Variants in SLC7A14 observed in about 807,000 individuals in gnomAD.
SLC7A14 encodes gamma-aminobutyric acid transporter SLC7A14.
SLC7A14 carries 37 observed loss-of-function variants against 60.2 expected under a neutral mutation model. That is an observed-to-expected ratio of 0.61 (90% CI 0.47 to 0.81). The LOEUF (loss-of-function observed/expected upper bound fraction) is 0.81, where lower values mean the gene tolerates loss of function less well. SLC7A14 is among the 30% of genes least tolerant of loss of function. The pLI is 0.00. For missense variants in SLC7A14, 886 were observed against 982.7 expected, an observed-to-expected ratio of 0.90 and a Z score of 1.32; for synonymous variants, 399 against 395.8, an observed-to-expected ratio of 1.01 and a Z score of -0.10.
intron 2 of SLC7A14, among the ~76,000 whole-genome samples, chr3:170,510,184 GT>G (rs920705434): frequency 2.6e-5 from 4 of 151,782 alleles, no homozygotes; most frequent in African/African-American, 7.3e-5. Flanking sequence ...GAGGTCAGGA[GT>G]TCGAGATCAG....
chr3:170,509,354 G>T (rs1415999352), intron 2 of SLC7A14, among the ~76,000 whole-genome samples: 2 of 152,106 alleles, frequency 1.3e-5, no homozygotes, highest in Non-Finnish European at 2.9e-5. Flanking sequence ...GAACCTGACA[G>T]GGCTCCAATT....
chr3:170,475,641 T>C (rs962929634), intron 7 of SLC7A14, among the ~76,000 whole-genome samples: 3 of 152,326 alleles, frequency 2.0e-5, no homozygotes, highest in East Asian at 1.9e-4. Context: ...TTGAGTCAGC[T>C]GGAGGGCTTG....
chr3:170,511,652 G>A (rs1170702633), intron 2 of SLC7A14, among the ~76,000 whole-genome samples: 1 of 152,218 alleles, frequency 6.6e-6, no homozygotes, highest in Non-Finnish European at 1.5e-5. Context: ...GCAGTAGCCT[G>A]TGGAGTATTT....
At chr3:170,538,832 C>A (rs1713927381) in intron 1 of SLC7A14, among the ~76,000 whole-genome samples, 1 of 152,222 alleles carries the variant, frequency 6.6e-6, no homozygotes. Context: ...TAAAGATTCC[C>A]ACTTCTTAGC....
At chr3:170,486,568 G>A (rs1712038661) in intron 4 of SLC7A14, among the ~76,000 whole-genome samples, 200 bp from the exon 5 acceptor site, 1 of 152,146 alleles carries the variant, frequency 6.6e-6, no homozygotes, top group Admixed American at 6.5e-5. Context: ...CTCTTATGAT[G>A]TGTAAATAGA....
rs1359835766 is a variant in SLC7A14, at chr3:170,567,156, C to G, written c.-153+18755G>C. ...TATATCTCCTAAAGCTATCCCTCCC[C>G]CCTCCCCCCACCCCACAACAGTCCC... is the stretch of plus-strand genomic sequence containing the variant. On this transcript the variant is annotated intron_variant, in intron 1 of 7. Coordinates refer to ENST00000231706, the MANE Select transcript of SLC7A14 (RefSeq NM_020949.3). 2.7e-5 allele frequency among the ~76,000 whole-genome samples: 3 copies of G among 111,730 alleles called. No individual in the cohort carries two copies. The East Asian group carries it at 9.4e-4, about 35-fold the overall frequency. The allele number at this position is 111,730 out of a possible 152,430, so 73.3% of individuals were successfully genotyped here.
chr3:170,495,868 A>G, intron 4 of SLC7A14: 1 of 1,281,132 alleles, frequency 7.8e-7, no homozygotes, highest in Non-Finnish European at 1.1e-6. Flanking sequence ...TACATGAACA[A>G]CCTTAGGCGG....
rs200644960 is a variant in SLC7A14 at position 170,498,679 on chromosome 3, G to A, written c.747C>T (p.His249=). 227 of 1,614,188 alleles carry A rather than the reference G, an allele frequency of 1.4e-4. No homozygotes were observed. The highest frequency in any genetic ancestry group is 3.3e-4 in the Admixed American group (20 of 60,030). The change falls in exon 4 of 8, where the codon CAC becomes CAT. Residue 249 remains histidine (H), a synonymous_variant. Transcript: ENST00000231706. ...GGAACAAACTTACCCCTGACCAGCC[G>A]TGGGGCAAGAACTGGCCCTCCGCCC... ...KYWAEGQFLP[H]GWSGVLQGAA...
rs1332791232 is a variant in SLC7A14 at position 170,461,070 on chromosome 3, A to C, written c.*5985T>G. On this transcript the variant is annotated 3_prime_UTR_variant, in exon 8 of 8. Coordinates refer to ENST00000231706, the MANE Select transcript of SLC7A14 (RefSeq NM_020949.3). Reference sequence around the variant, plus strand: ...GCTGGGATTACAGGCATGCAACACCACACCTGGCTAATTTTGTATTTTTAG... The same window carrying C: ...GCTGGGATTACAGGCATGCAACACCCCACCTGGCTAATTTTGTATTTTTAG... 1 of 152,076 alleles carries C rather than the reference A, an allele frequency of 6.6e-6. No individual in the cohort carries two copies. The highest frequency in any genetic ancestry group is 6.6e-5 in the Admixed American group (1 of 15,258). The allele number at this position is 152,076 out of a possible 1,614,324, so 9.4% of individuals were successfully genotyped here. A position where few individuals can be genotyped will look rare whatever the true frequency, so the allele number is the denominator to read the frequency against.
At chr3:170,494,269 T>C (rs1287730642) in intron 4 of SLC7A14, among the ~76,000 whole-genome samples, 1 of 152,260 alleles carries the variant, frequency 6.6e-6, no homozygotes, top group Non-Finnish European at 1.5e-5. Context: ...ATTAAAAGTG[T>C]ACATGAAAGA....
chr3:170,501,399 C>G, intron 2 of SLC7A14, 54 bp from the exon 3 acceptor site: 1 of 1,454,692 alleles, frequency 6.9e-7, no homozygotes, highest in Non-Finnish European at 9.6e-7. Flanking sequence ...AGCTGACATC[C>G]TGTGGCCAAC....
chr3:170,500,843 A>G (rs6808638), intron 3 of SLC7A14, among the ~76,000 whole-genome samples: 16,391 of 152,158 alleles, frequency 0.11, 1,425 homozygotes, highest in African/African-American at 0.23. Flanking sequence ...CACTTGCCCC[A>G]CTGTAGAATA....
At chr3:170,575,992 G>A (rs1279574004) in intron 1 of SLC7A14, among the ~76,000 whole-genome samples, 1 of 152,170 alleles carries the variant, frequency 6.6e-6, no homozygotes, top group African/African-American at 2.4e-5. Context: ...GCCTGCACTT[G>A]TATCATTTCT....
chr3:170,566,276 T>C (rs190626765), intron 1 of SLC7A14, among the ~76,000 whole-genome samples: 1 of 152,276 alleles, frequency 6.6e-6, no homozygotes, highest in Admixed American at 6.5e-5. Flanking sequence ...CTAACCCTTT[T>C]ACCGTAAGTG....
intron 1 of SLC7A14, among the ~76,000 whole-genome samples, chr3:170,536,325 A>G (rs959692452): frequency 1.3e-5 from 2 of 152,250 alleles, no homozygotes; most frequent in African/African-American, 4.8e-5. Flanking sequence ...GCTGTTTGCA[A>G]TGCTTTGCTT....
At chr3:170,584,949 G>A (rs1715342287) in intron 1 of SLC7A14, among the ~76,000 whole-genome samples, 1 of 152,194 alleles carries the variant, frequency 6.6e-6, no homozygotes, top group South Asian at 2.1e-4. Context: ...GGGGGATGAG[G>A]AGTGCCAGAA....
At position 170,481,131 on chromosome 3, in the gene SLC7A14, G is replaced by T; in HGVS notation, c.1151C>A (p.Pro384Gln). 2 of 1,613,944 alleles carry T rather than the reference G, an allele frequency of 1.2e-6. No homozygotes were observed. Among genetic ancestry groups the T allele is most frequent in the South Asian group, 2.2e-5 (2 of 91,044 alleles). ...CCCCGACACGATGCAGGCCACCACT[G>T]GTGTCTCTGTGTAGGAGCTGACGTG... ...LAHVSSYTET[P>Q]VVACIVSGFL... The change falls in exon 7 of 8, where the codon CCA becomes CAA. Residue 384 changes from proline to glutamine, a missense_variant. Physicochemically the swap from Pro to Gln is moderately conservative, Grantham distance 76. Coordinates refer to ENST00000231706, the MANE Select transcript of SLC7A14 (RefSeq NM_020949.3).
At chr3:170,501,409 C>A (rs997079243) in intron 2 of SLC7A14, 64 bp from the exon 3 acceptor site, 46 of 1,373,428 alleles carry the variant, frequency 3.3e-5, no homozygotes, top group Non-Finnish European at 4.6e-5. Context: ...CTGTGGCCAA[C>A]AATCTTGGGT....
chr3:170,497,373 C>T (rs1372019568), intron 4 of SLC7A14, among the ~76,000 whole-genome samples: 2 of 152,172 alleles, frequency 1.3e-5, no homozygotes, highest in Non-Finnish European at 2.9e-5. Flanking sequence ...AAGGAGAAGA[C>T]TAGGAATCTT....
Sources: allele counts gnomAD v4.1 joint callset (sites outside exome capture counted in the v4.1 genomes callset), GRCh38; gene constraint gnomAD v4.1.1; transcripts MANE v1.5; gene names NCBI Gene and HGNC (gene_info 2026-07-23, HGNC 2026-07-21).